The following ZFHX3 variants were observed in gnomAD, a reference collection of about 807,000 sequenced individuals.
ZFHX3 encodes the protein zinc finger homeobox 3.
ZFHX3 carries 42 observed loss-of-function variants against 279.1 expected under a neutral mutation model. That is an observed-to-expected ratio of 0.15 (90% CI 0.12 to 0.19). ZFHX3 has a LOEUF of 0.19. Ranked by LOEUF, ZFHX3 falls within the 10% of genes least tolerant of loss-of-function variation. ZFHX3 has a pLI of 1.00. For synonymous variants in ZFHX3, 2,293 were observed against 1,957.8 expected (o/e 1.17, Z -4.52); for missense variants, 4,981 against 4,754.0 (o/e 1.05, Z -1.40).
intron 3 of ZFHX3, among the ~76,000 whole-genome samples, chr16:73,406,076 C>T (rs1201575633): frequency 6.6e-6 from 1 of 152,222 alleles, no homozygotes; most frequent in Non-Finnish European, 1.5e-5. Flanking sequence ...GAGGAGGGAG[C>T]AGAACAAAAA....
chr16:73,530,037 G>A (rs1039032844), intron 2 of ZFHX3, among the ~76,000 whole-genome samples: 1 of 152,142 alleles, frequency 6.6e-6, no homozygotes, highest in Non-Finnish European at 1.5e-5. Flanking sequence ...TCACGCTGCT[G>A]ATAGAGACAT....
chr16:73,307,184 C>T (rs1434417389), intron 4 of ZFHX3, among the ~76,000 whole-genome samples: 1 of 152,200 alleles, frequency 6.6e-6, no homozygotes, highest in Admixed American at 6.5e-5. Flanking sequence ...AGCCCCTGTC[C>T]ATCAAGTCAT....
chr16:73,054,066 G>T (rs889027902), intron 1 of ZFHX3, among the ~76,000 whole-genome samples: 2 of 151,836 alleles, frequency 1.3e-5, no homozygotes, highest in Admixed American at 6.6e-5. Flanking sequence ...GGGCTGGGGG[G>T]AGGAGTGATA....
Position 73,090,911 on chromosome 16 carries a change from GA to G in ZFHX3, c.-533+2323del, listed in dbSNP as rs57632636. ...GGGAGACAGAGTAAGATCCCATATT[GA>G]AAAAAAAAAAAAAAAAAGGCAAGGC... is the stretch of plus-strand genomic sequence containing the variant. On this transcript the variant is annotated intron_variant, in intron 8 of 17. Coordinates refer to the ZFHX3 transcript ENST00000641206. 7.3e-4 allele frequency among the ~76,000 whole-genome samples: 79 copies of G among 108,314 alleles called. 1 individual carries two copies. The highest frequency in any genetic ancestry group is 1.5e-3 in the Admixed American group (16 of 10,874). 71.1% of individuals were successfully genotyped at this position (108,314 alleles called of 152,430 possible).
chr16:73,544,791 C>T (rs2020081558), intron 2 of ZFHX3, among the ~76,000 whole-genome samples: 1 of 152,076 alleles, frequency 6.6e-6, no homozygotes, highest in Non-Finnish European at 1.5e-5. Context: ...TCCCAGTCCA[C>T]CTGGGGGACA....
At position 73,490,011 on chromosome 16, in the gene ZFHX3, AT is replaced by A. The variant is rs571902880; in HGVS notation, c.-1546-33754del. On this transcript the variant is annotated intron_variant, in intron 2 of 17. Transcript: ENST00000641206. The stretch of plus-strand genomic sequence containing the variant: ...ATCAAATCAAGTGGAAAAACATGAG[AT>A]GTGCCATTTATATAATTGTTACAAA... 1.8e-3 allele frequency among the ~76,000 whole-genome samples: 275 copies of A among 152,360 alleles called. 1 individual carries two copies. The highest frequency in any genetic ancestry group is 6.8e-3 in the Middle Eastern group (2 of 294).
chr16:73,108,737 A>T (rs1381703584), intron 7 of ZFHX3, among the ~76,000 whole-genome samples: 4 of 152,200 alleles, frequency 2.6e-5, no homozygotes, highest in African/African-American at 9.6e-5. Flanking sequence ...ACAGGGTTAA[A>T]GTTGAGGTTT....
At chr16:73,151,364 T>A (rs1197352289) in intron 5 of ZFHX3, among the ~76,000 whole-genome samples, 1 of 151,572 alleles carries the variant, frequency 6.6e-6, no homozygotes, top group Non-Finnish European at 1.5e-5. Context: ...TGTGTGGGGG[T>A]TGGAGAAGGC....
At chr16:73,034,196 T>C (rs571117377) in intron 1 of ZFHX3, among the ~76,000 whole-genome samples, 5 of 152,230 alleles carry the variant, frequency 3.3e-5, no homozygotes, top group Admixed American at 1.3e-4. Context: ...TGTCACCCTC[T>C]GTCCCTCCAT....
At chr16:72,943,418 A>G (rs1354069997) in intron 3 of ZFHX3, among the ~76,000 whole-genome samples, 1 of 152,130 alleles carries the variant, frequency 6.6e-6, no homozygotes, top group Non-Finnish European at 1.5e-5. Flanking sequence ...CTGTAATTCC[A>G]GCTACTCAGG....
chr16:73,001,140 T>G (rs1408982890), intron 1 of ZFHX3, among the ~76,000 whole-genome samples: 1 of 152,204 alleles, frequency 6.6e-6, no homozygotes, highest in African/African-American at 2.4e-5. Flanking sequence ...AACCGTCATT[T>G]TAGTCATCTG....
At chr16:73,109,077 A>C (rs1383509780) in intron 7 of ZFHX3, among the ~76,000 whole-genome samples, 3 of 152,232 alleles carry the variant, frequency 2.0e-5, no homozygotes, top group Admixed American at 1.3e-4. Context: ...AGCCAGCCTG[A>C]GGACTTGAGA....
chr16:73,214,572 T>A (rs1392930365), intron 5 of ZFHX3, among the ~76,000 whole-genome samples: 1 of 152,198 alleles, frequency 6.6e-6, no homozygotes, highest in Non-Finnish European at 1.5e-5. Flanking sequence ...ACTTGTCTAA[T>A]CTTCATGACC....
chr16:73,115,901 C>G (rs1006415143), intron 7 of ZFHX3, among the ~76,000 whole-genome samples: 1 of 152,078 alleles, frequency 6.6e-6, no homozygotes, highest in African/African-American at 2.4e-5. Flanking sequence ...GATGGATCAT[C>G]TGAGGTGAGG....
intron 3 of ZFHX3, among the ~76,000 whole-genome samples, chr16:72,922,547 C>A (rs920163201): frequency 1.2e-4 from 19 of 152,144 alleles, no homozygotes; most frequent in African/African-American, 4.6e-4. Flanking sequence ...AGAAAGAAAT[C>A]CACCTGCTTG....
At chr16:72,985,198 G>C (rs1962793095) in intron 1 of ZFHX3, among the ~76,000 whole-genome samples, 1 of 152,136 alleles carries the variant, frequency 6.6e-6, no homozygotes, top group Non-Finnish European at 1.5e-5. Flanking sequence ...TTCTCATCAG[G>C]AGAAAAGGGG....
chr16:73,682,591 G>C (rs573299713), intron 1 of ZFHX3, among the ~76,000 whole-genome samples: 1 of 151,944 alleles, frequency 6.6e-6, no homozygotes, highest in South Asian at 2.1e-4. Flanking sequence ...TTTGAGACCA[G>C]CCTGGCCAAC....
intron 2 of ZFHX3, among the ~76,000 whole-genome samples, chr16:73,589,935 T>C (rs1243972288): frequency 6.6e-6 from 1 of 152,046 alleles, no homozygotes; most frequent in Non-Finnish European, 1.5e-5. Context: ...CTATTCAAAG[T>C]GTTTTTAAAA....
At chr16:73,375,115 T>C (rs1053701872) in intron 3 of ZFHX3, among the ~76,000 whole-genome samples, 1 of 152,236 alleles carries the variant, frequency 6.6e-6, no homozygotes, top group African/African-American at 2.4e-5. Flanking sequence ...GCTGGAATAC[T>C]TCTATTGCAT....
Sources: allele counts gnomAD v4.1 joint callset (sites outside exome capture counted in the v4.1 genomes callset), GRCh38; gene constraint gnomAD v4.1.1; transcripts MANE v1.5; gene names NCBI Gene and HGNC (gene_info 2026-07-23, HGNC 2026-07-21).